Variants in TNRC6B observed in about 807,000 individuals in gnomAD.
TNRC6B encodes the protein trinucleotide repeat-containing gene 6B protein.
In TNRC6B, 52 loss-of-function variants were observed where a neutral mutation model predicts 203.6. The ratio of observed to expected loss-of-function variants is 0.26; its 90% CI spans 0.20 to 0.32. The LOEUF (loss-of-function observed/expected upper bound fraction) is 0.32, where lower values mean the gene tolerates loss of function less well. TNRC6B is among the 10% of genes least tolerant of loss of function. The pLI is 1.00. For synonymous variants in TNRC6B, 838 were observed against 845.7 expected, an observed-to-expected ratio of 0.99 and a Z score of 0.16; for missense variants, 1,923 against 2,286.2, an observed-to-expected ratio of 0.84 and a Z score of 3.24.
intron 3 of TNRC6B, among the ~76,000 whole-genome samples, chr22:40,258,119 T>C (rs1313131666): frequency 7.3e-6 from 1 of 136,504 alleles, no homozygotes; most frequent in Non-Finnish European, 1.6e-5. Context: ...AATGTTTTTA[T>C]TTCCCTATAG....
In TNRC6B at chr22:40,265,949, C is replaced by T; in HGVS notation, c.1719C>T (p.Ser573=). Residue 573 remains serine (S), a synonymous_variant, in exon 5 of 23, where the codon AGC becomes AGT. Transcript: ENST00000454349. ...SSTGSEVGGQ[S]TGSNHKAGSS... The stretch of plus-strand genomic sequence containing the variant: ...CAGGAAGTGAAGTTGGAGGTCAAAG[C>T]ACTGGAAGCAACCACAAAGCAGGAA... 3 of 1,614,008 alleles carry T rather than the reference C, an allele frequency of 1.9e-6. No homozygotes were observed. The highest frequency in any genetic ancestry group is 2.5e-6 in the Non-Finnish European group (3 of 1,179,886).
intron 3 of TNRC6B, among the ~76,000 whole-genome samples, chr22:40,136,944 ATAGT>A (rs2068605015): frequency 6.6e-6 from 1 of 152,232 alleles, no homozygotes; most frequent in African/African-American, 2.4e-5. Flanking sequence ...AACATTAAAG[ATAGT>A]TAAATAGGGT....
At chr22:40,223,644 G>A (rs928290828) in intron 1 of TNRC6B, among the ~76,000 whole-genome samples, 1 of 152,124 alleles carries the variant, frequency 6.6e-6, no homozygotes, top group African/African-American at 2.4e-5. Context: ...TGTGGATAAG[G>A]TATAATAACG....
intron 5 of TNRC6B, among the ~76,000 whole-genome samples, chr22:40,267,855 G>C (rs573123987): frequency 2.0e-5 from 3 of 149,700 alleles, no homozygotes; most frequent in South Asian, 4.4e-4. Flanking sequence ...GGGAGACAGA[G>C]CGAGACCCTG....
rs544068640 is a variant in TNRC6B at position 40,045,987 on chromosome 22, T to C, written c.-121+989T>C. ...AATTTCAAGTTGGTCATTTGTATTA[T>C]AATTTAAGCAAAATTATACAAAATT... On this transcript the variant is annotated intron_variant, in intron 1 of 23. Coordinates refer to the TNRC6B transcript ENST00000301923. Among the ~76,000 whole-genome samples the C allele has an allele frequency of 2.0e-5, 3 of 152,378 alleles. No individual in the cohort carries two copies. In the South Asian group the frequency reaches 6.2e-4, roughly 32 times the overall value.
rs1412379577 is a variant in TNRC6B, at chr22:40,326,547, T to C, written c.*3306T>C. The C allele has an allele frequency of 6.6e-6, 1 of 152,596 alleles. No homozygotes were observed. The highest frequency in any genetic ancestry group is 6.5e-5 in the Admixed American group (1 of 15,276). The allele number at this position is 152,596 out of a possible 1,614,324, so 9.5% of individuals were successfully genotyped here. A position where few individuals can be genotyped will look rare whatever the true frequency, so the allele number is the denominator to read the frequency against. The stretch of plus-strand genomic sequence containing the variant: ...TGTATATAGATGAGAATGCCATCAC[T>C]TTGTTCCTTTCCATTTGAGACTGAA... On this transcript the variant is annotated 3_prime_UTR_variant, in exon 23 of 23. Transcript: ENST00000454349.
At chr22:40,138,556 A>G (rs897340164) in intron 3 of TNRC6B, among the ~76,000 whole-genome samples, 6 of 152,192 alleles carry the variant, frequency 3.9e-5, no homozygotes, top group Admixed American at 1.3e-4. Flanking sequence ...ATGAGCCACC[A>G]CGCCTGGCCT....
chr22:40,231,516 A>G (rs2069869695), intron 1 of TNRC6B, among the ~76,000 whole-genome samples: 1 of 137,348 alleles, frequency 7.3e-6, no homozygotes. Flanking sequence ...AAACTTATAT[A>G]TATGGAATCT....
intron 8 of TNRC6B, among the ~76,000 whole-genome samples, 184 bp downstream of exon 8, chr22:40,277,335 C>G (rs2070657959): frequency 6.6e-6 from 1 of 152,168 alleles, no homozygotes; most frequent in Non-Finnish European, 1.5e-5. Flanking sequence ...CATACTCCAA[C>G]ATTTAAAGGT....
chr22:40,217,033 A>G (rs926811755), intron 1 of TNRC6B, among the ~76,000 whole-genome samples: 4 of 152,070 alleles, frequency 2.6e-5, no homozygotes, highest in African/African-American at 9.7e-5. Context: ...TGTCTGACCA[A>G]TGCAGCTGTA....
Position 40,332,192 on chromosome 22 carries a change from C to G in TNRC6B, c.*8951C>G, listed in dbSNP as rs1402602288. ...CCTCTCTCCTTTTTAATATTTCTTT[C>G]TTCCTTTTTAATCATGTTTAAGTGA... On this transcript the variant is annotated 3_prime_UTR_variant, in exon 23 of 23. Coordinates refer to ENST00000454349, the MANE Select transcript of TNRC6B (RefSeq NM_001162501.2). 5 of 152,556 alleles carry G rather than the reference C, an allele frequency of 3.3e-5. No individual in the cohort carries two copies. The highest frequency in any genetic ancestry group is 7.3e-5 in the Non-Finnish European group (5 of 68,056). 9.5% of individuals were successfully genotyped at this position (152,556 alleles called of 1,614,324 possible).
chr22:40,085,211 C>T (rs1175002198), intron 1 of TNRC6B, among the ~76,000 whole-genome samples: 1 of 152,084 alleles, frequency 6.6e-6, no homozygotes, highest in East Asian at 1.9e-4. Flanking sequence ...GACTGCAGCC[C>T]CTCACACGTA....
chr22:40,106,074 G>T (rs759072539), intron 1 of TNRC6B, among the ~76,000 whole-genome samples: 11 of 151,798 alleles, frequency 7.2e-5, no homozygotes, highest in Non-Finnish European at 1.5e-4. Flanking sequence ...GATAATTTTG[G>T]TTTTTTTGTC....
At chr22:40,213,570 C>A (rs1220665318) in intron 1 of TNRC6B, among the ~76,000 whole-genome samples, 1 of 152,140 alleles carries the variant, frequency 6.6e-6, no homozygotes, top group Non-Finnish European at 1.5e-5. Flanking sequence ...TCTGGCTGCT[C>A]TGTAGAAAAT....
At chr22:40,115,366 C>T (rs373443305) in intron 1 of TNRC6B, among the ~76,000 whole-genome samples, 2 of 152,192 alleles carry the variant, frequency 1.3e-5, no homozygotes, top group Non-Finnish European at 2.9e-5. Flanking sequence ...TGAATCCAGT[C>T]GTCCTCTGAA....
At chr22:40,203,602 T>C (rs2069441154) in intron 1 of TNRC6B, among the ~76,000 whole-genome samples, 1 of 151,698 alleles carries the variant, frequency 6.6e-6, no homozygotes, top group Admixed American at 6.6e-5. Context: ...TCTTTAGTTA[T>C]AATAAGCTCT....
Position 40,076,989 on chromosome 22 carries a change from A to G in TNRC6B, c.-121+31991A>G, listed in dbSNP as rs535059883. ...AGTCTGAGCAAAGTACCAAGACCCT[A>G]TCTCTAAGAAAAGAAAAGAGAAAAG... On this transcript the variant is annotated intron_variant, in intron 1 of 23. Coordinates refer to the TNRC6B transcript ENST00000301923. 2.0e-5 allele frequency among the ~76,000 whole-genome samples: 3 copies of G among 151,974 alleles called. No homozygotes were observed. The East Asian group carries it at 5.8e-4, about 29-fold the overall frequency.
At chr22:40,125,169 C>G (rs2068478864) in intron 2 of TNRC6B, among the ~76,000 whole-genome samples, 2 of 152,022 alleles carry the variant, frequency 1.3e-5, no homozygotes, top group African/African-American at 4.8e-5. Flanking sequence ...AACTTAATTA[C>G]TTTTTACTGT....
chr22:40,141,559 T>C (rs1228390317), intron 3 of TNRC6B, among the ~76,000 whole-genome samples: 1 of 152,000 alleles, frequency 6.6e-6, no homozygotes, highest in Non-Finnish European at 1.5e-5. Flanking sequence ...CCAATCCCTT[T>C]CCTCCTTCCT....
Sources: gnomAD v4.1 joint callset for allele counts (sites outside exome capture counted in the v4.1 genomes callset) on GRCh38, gnomAD v4.1.1 for gene constraint, MANE v1.5 for transcripts, NCBI Gene and HGNC (gene_info 2026-07-23, HGNC 2026-07-21) for gene names.